CNTN5: variants seen among roughly 807,000 people sequenced by gnomAD.
CNTN5 encodes contactin 5.
CNTN5 carries 77 observed loss-of-function variants against 129.1 expected under a neutral mutation model. The ratio of observed to expected loss-of-function variants is 0.60; its 90% confidence interval spans 0.50 to 0.72. The LOEUF is 0.72. CNTN5 is among the 30% of genes least tolerant of loss of function. The pLI, the probability that CNTN5 is intolerant of heterozygous loss-of-function variation, is 0.00. For missense variants in CNTN5, 1,478 were observed against 1,328.8 expected (o/e 1.11, Z -1.75); for synonymous variants, 509 against 465.6 (o/e 1.09, Z -1.20).
At chr11:99,792,573 G>GTGTGTGTGTGTGTGTGTGTGTCTGTC (rs34622017) in intron 3 of CNTN5, among the ~76,000 whole-genome samples, 50 of 116,670 alleles carry the variant, frequency 4.3e-4, no homozygotes, top group African/African-American at 1.8e-3. Flanking sequence ...GTGTGTGTGT[G>GTGTGTGTGTGTGTGTGTGTGTCTGTC]TGTCTGTCTG....
chr11:99,641,793 T>A (rs1320231123), intron 3 of CNTN5, among the ~76,000 whole-genome samples: 1 of 152,164 alleles, frequency 6.6e-6, no homozygotes, highest in Non-Finnish European at 1.5e-5. Context: ...TCCCTTTGCC[T>A]ATCTCCCAAC....
intron 1 of CNTN5, among the ~76,000 whole-genome samples, chr11:99,188,041 C>T (rs1396717162): frequency 1.3e-5 from 2 of 151,734 alleles, no homozygotes; most frequent in African/African-American, 4.8e-5. Flanking sequence ...CATATAGTAA[C>T]ACCATTCTGC....
intron 2 of CNTN5, among the ~76,000 whole-genome samples, chr11:99,516,433 G>T (rs916364031): frequency 6.6e-6 from 1 of 152,060 alleles, no homozygotes; most frequent in South Asian, 2.1e-4. Context: ...GTGGAAACTA[G>T]TATGTTCTCT....
chr11:99,259,168 T>C (rs1476169328), intron 1 of CNTN5, among the ~76,000 whole-genome samples: 1 of 151,906 alleles, frequency 6.6e-6, no homozygotes, highest in African/African-American at 2.4e-5. Flanking sequence ...TGCCAGTGCA[T>C]TTGCTATGCA....
At chr11:99,941,645 G>A in intron 7 of CNTN5, among the ~76,000 whole-genome samples, 1 of 149,896 alleles carries the variant, frequency 6.7e-6, no homozygotes, top group East Asian at 2.0e-4. Context: ...TCTAGTTAAG[G>A]TCAGCAAATC....
At chr11:99,599,358 A>C (rs1396311209) in intron 3 of CNTN5, among the ~76,000 whole-genome samples, 1 of 152,100 alleles carries the variant, frequency 6.6e-6, no homozygotes, top group Non-Finnish European at 1.5e-5. Flanking sequence ...GATTTTTTTA[A>C]CATTGATTTA....
chr11:99,148,897 T>A (rs1198389186), intron 1 of CNTN5, among the ~76,000 whole-genome samples: 1 of 152,158 alleles, frequency 6.6e-6, no homozygotes, highest in Non-Finnish European at 1.5e-5. Flanking sequence ...TTTTTTTAAA[T>A]ATTCACAACT....
At chr11:99,169,727 A>C (rs1465991783) in intron 1 of CNTN5, among the ~76,000 whole-genome samples, 1 of 152,202 alleles carries the variant, frequency 6.6e-6, no homozygotes, top group Non-Finnish European at 1.5e-5. Flanking sequence ...GCAAATGATT[A>C]AACTCATAGT....
intron 3 of CNTN5, among the ~76,000 whole-genome samples, chr11:99,627,952 A>G (rs1455627314): frequency 6.7e-6 from 1 of 149,854 alleles, no homozygotes; most frequent in Non-Finnish European, 1.5e-5. Context: ...TCAGGGAAGC[A>G]CATTCAGCTA....
intron 1 of CNTN5, among the ~76,000 whole-genome samples, chr11:99,164,121 T>A (rs543556074): frequency 4.6e-5 from 7 of 150,986 alleles, no homozygotes; most frequent in East Asian, 3.9e-4. Flanking sequence ...AGGTTAGGAG[T>A]TCAAGACCAG....
chr11:99,095,870 T>C, intron 1 of CNTN5, among the ~76,000 whole-genome samples: 1 of 151,914 alleles, frequency 6.6e-6, no homozygotes, highest in South Asian at 2.1e-4. Context: ...AGACATGATG[T>C]GATTTTTCAA....
intron 20 of CNTN5, among the ~76,000 whole-genome samples, chr11:100,305,323 T>G (rs1163216791): frequency 3.3e-5 from 5 of 151,592 alleles, no homozygotes; most frequent in Admixed American, 3.3e-4. Flanking sequence ...AAAGTACTCC[T>G]TGTGTGAGAC....
At chr11:99,694,835 T>C (rs1275719555) in intron 3 of CNTN5, among the ~76,000 whole-genome samples, 1 of 152,132 alleles carries the variant, frequency 6.6e-6, no homozygotes, top group Admixed American at 6.6e-5. Context: ...AACACCAGAC[T>C]AGATGATTTA....
chr11:99,810,238 C>T (rs1946390495), intron 3 of CNTN5, among the ~76,000 whole-genome samples: 1 of 152,218 alleles, frequency 6.6e-6, no homozygotes, highest in East Asian at 1.9e-4. Flanking sequence ...TTAGAAAAGA[C>T]AAAGTTATCC....
intron 21 of CNTN5, among the ~76,000 whole-genome samples, chr11:100,339,617 C>A (rs1952116404): frequency 6.6e-6 from 1 of 152,130 alleles, no homozygotes; most frequent in Admixed American, 6.6e-5. Flanking sequence ...GGGTTTCAGG[C>A]TTCTCAGCTT....
rs114694873 is a variant in CNTN5 at position 100,245,260 on chromosome 11, A to T, written c.2006-10500A>T. 9.3e-3 allele frequency among the ~76,000 whole-genome samples: 1,415 copies of T among 152,268 alleles called. 22 individuals carry two copies. The highest frequency in any genetic ancestry group is 0.032 in the African/African-American group (1,330 of 41,560). On this transcript the variant is annotated intron_variant, in intron 16 of 24. Transcript: ENST00000524871. ...GACTTCCAGGAATAACAGAGGCTAA[A>T]TCTTTCTTGTTCACATACAACAGGA...
chr11:99,480,411 G>A (rs1444145669), intron 2 of CNTN5, among the ~76,000 whole-genome samples: 1 of 151,968 alleles, frequency 6.6e-6, no homozygotes, highest in African/African-American at 2.4e-5. Context: ...TGATCTCTGG[G>A]GACCTGTTTC....
At chr11:99,264,886 A>G (rs1054480279) in intron 1 of CNTN5, among the ~76,000 whole-genome samples, 1 of 152,098 alleles carries the variant, frequency 6.6e-6, no homozygotes, top group African/African-American at 2.4e-5. Flanking sequence ...ATGACAGGAT[A>G]GGTAATATTG....
chr11:99,237,253 A>G (rs1861318922), intron 1 of CNTN5, among the ~76,000 whole-genome samples: 1 of 152,042 alleles, frequency 6.6e-6, no homozygotes, highest in Non-Finnish European at 1.5e-5. Flanking sequence ...ATTTTGTGTA[A>G]TAATCTTCAG....
Sources: gnomAD v4.1 joint callset for allele counts (sites outside exome capture counted in the v4.1 genomes callset) on GRCh38, gnomAD v4.1.1 for gene constraint, MANE v1.5 for transcripts, NCBI Gene and HGNC (gene_info 2026-07-23, HGNC 2026-07-21) for gene names.